Variants in ADGRA3 observed in about 807,000 individuals in gnomAD.
ADGRA3 encodes adhesion G protein-coupled receptor A3, also known as G-protein coupled receptor 125.
Under a neutral mutation model 119.8 loss-of-function variants are expected in ADGRA3, and 56 were observed. That is an observed-to-expected ratio of 0.47 (90% CI 0.38 to 0.58). The LOEUF (loss-of-function observed/expected upper bound fraction) is 0.58, where lower values mean the gene tolerates loss of function less well. Ranked by LOEUF, ADGRA3 falls within the 20% of genes least tolerant of loss-of-function variation. ADGRA3 has a pLI of 0.00. For missense variants in ADGRA3, 1,516 were observed against 1,649.0 expected (o/e 0.92, Z 1.40); for synonymous variants, 607 against 623.8 (o/e 0.97, Z 0.40).
chr4:22,395,276 A>G (rs150149842), intron 16 of ADGRA3, among the ~76,000 whole-genome samples: 148 of 152,310 alleles, frequency 9.7e-4, no homozygotes, highest in African/African-American at 3.3e-3. Context: ...AAACTCTCAC[A>G]TACTAGAGTT....
chr4:22,450,786 T>A (rs1303340908), intron 4 of ADGRA3, among the ~76,000 whole-genome samples: 4 of 152,030 alleles, frequency 2.6e-5, no homozygotes, highest in Non-Finnish European at 5.9e-5. Context: ...AACTAGAATA[T>A]TCTGTAGCCA....
chr4:22,469,996 A>C lies in ADGRA3; in HGVS notation c.329+3776T>G, dbSNP rs149153120. On this transcript the variant is annotated intron_variant, in intron 2 of 18. Transcript: ENST00000334304. ...ATCCTATGTTTCTCCCCATTACTGC[A>C]TATGTTCCATAAACCCCAAGCCTAG... Among the ~76,000 whole-genome samples, 17 of 152,274 alleles carry C rather than the reference A, an allele frequency of 1.1e-4. No homozygotes were observed. In the East Asian group the frequency reaches 3.3e-3, roughly 29 times the overall value.
intron 1 of ADGRA3, among the ~76,000 whole-genome samples, chr4:22,502,774 G>A (rs1719094367): frequency 6.6e-6 from 1 of 151,910 alleles, no homozygotes; most frequent in Admixed American, 6.6e-5. Flanking sequence ...GATGAAGAGT[G>A]GGAGTTTAAG....
At chr4:22,488,595 A>G (rs942341650) in intron 1 of ADGRA3, among the ~76,000 whole-genome samples, 3 of 148,260 alleles carry the variant, frequency 2.0e-5, no homozygotes, top group African/African-American at 4.9e-5. Context: ...AAGCATGGCT[A>G]CTTCGGGGAT....
intron 14 of ADGRA3, among the ~76,000 whole-genome samples, chr4:22,408,743 G>A (rs1458482055): frequency 6.6e-6 from 1 of 152,098 alleles, no homozygotes; most frequent in East Asian, 1.9e-4. Context: ...GCTACTTAAA[G>A]CTAAACACAT....
chr4:22,413,158 G>C (rs1284327403), intron 14 of ADGRA3, 24 bp downstream of exon 14: 1 of 1,515,806 alleles, frequency 6.6e-7, no homozygotes, highest in East Asian at 2.3e-5. Context: ...TAGTGTTTAT[G>C]CATAAAGTTA....
At chr4:22,482,042 C>A (rs1215958659) in intron 1 of ADGRA3, among the ~76,000 whole-genome samples, 1 of 152,156 alleles carries the variant, frequency 6.6e-6, no homozygotes, top group East Asian at 1.9e-4. Context: ...TCATCAATGT[C>A]TCTTCCTTTG....
chr4:22,476,830 C>A (rs984583562), intron 1 of ADGRA3, among the ~76,000 whole-genome samples: 4 of 151,848 alleles, frequency 2.6e-5, no homozygotes, highest in Non-Finnish European at 5.9e-5. Flanking sequence ...CCATACCCAG[C>A]TAATTTTTGT....
intron 17 of ADGRA3, among the ~76,000 whole-genome samples, chr4:22,390,339 AAAT>A (rs1714067382): frequency 1.1e-5 from 1 of 90,162 alleles, no homozygotes; most frequent in Non-Finnish European, 2.0e-5. Context: ...TATATATATA[AAAT>A]ACATATTATA....
At chr4:22,509,363 C>T (rs1719356757) in intron 1 of ADGRA3, among the ~76,000 whole-genome samples, 2 of 151,918 alleles carry the variant, frequency 1.3e-5, no homozygotes, top group African/African-American at 2.4e-5. Context: ...ATTAGCTGGG[C>T]GTGGTGGCGT....
chr4:22,464,521 A>T (rs1717583226), intron 2 of ADGRA3, among the ~76,000 whole-genome samples: 1 of 152,206 alleles, frequency 6.6e-6, no homozygotes, highest in Admixed American at 6.5e-5. Context: ...GAGGAATATT[A>T]TGCAGAGGAT....
At chr4:22,499,899 C>G (rs1196941850) in intron 1 of ADGRA3, among the ~76,000 whole-genome samples, 7 of 152,162 alleles carry the variant, frequency 4.6e-5, no homozygotes, top group African/African-American at 1.7e-4. Flanking sequence ...AGCCCTCATT[C>G]TAAATGTCTG....
rs527443316 is a variant in ADGRA3 at position 22,472,441 on chromosome 4, A to G, written c.329+1331T>C. Among the ~76,000 whole-genome samples, 110 of 152,318 alleles carry G rather than the reference A, an allele frequency of 7.2e-4. No individual in the cohort carries two copies. In the Middle Eastern group the frequency reaches 0.014, roughly 19 times the overall value. On this transcript the variant is annotated intron_variant, in intron 2 of 18. Transcript: ENST00000334304. ...AAAGCCAAGGGTGTGATCAGCATAC[A>G]CTAAAGCACATGGACGACATGGAAC...
chr4:22,482,231 A>C (rs938202044), intron 1 of ADGRA3, among the ~76,000 whole-genome samples: 3 of 152,218 alleles, frequency 2.0e-5, no homozygotes, highest in Non-Finnish European at 4.4e-5. Flanking sequence ...CTCACAACAA[A>C]GTAAAATACA....
At chr4:22,412,165 T>C (rs1715233603) in intron 14 of ADGRA3, among the ~76,000 whole-genome samples, 1 of 152,188 alleles carries the variant, frequency 6.6e-6, no homozygotes, top group South Asian at 2.1e-4. Flanking sequence ...TAGAAGTTCC[T>C]CACACCCAGA....
At position 22,413,615 on chromosome 4, in the gene ADGRA3, A is replaced by C; in HGVS notation, c.2009T>G (p.Ile670Ser). ...GKRRTVVTPV[I>S]LTKIDGVNVD... Reference sequence around the variant, plus strand: ...CACATACAAACCTATTTTGGTGAGAATCACAGGGGTAACCACAGTACGTCG... The same window carrying C: ...CACATACAAACCTATTTTGGTGAGACTCACAGGGGTAACCACAGTACGTCG... The change falls in exon 13 of 19, where the codon ATT becomes AGT. Residue 670 changes from isoleucine to serine, a missense_variant. By Grantham distance (142) the Ile-to-Ser change is moderately radical. This residue lies in a region of ADGRA3 where 1,088 missense variants were observed against 1,107.1 expected (regional missense o/e 0.98). Transcript: ENST00000334304. 1 of 1,613,896 alleles carries C rather than the reference A, an allele frequency of 6.2e-7. No individual in the cohort carries two copies. Among genetic ancestry groups the C allele is most frequent in the Non-Finnish European group, 8.5e-7 (1 of 1,179,804 alleles).
At chr4:22,503,059 ATGACAGCT>A (rs535651552) in intron 1 of ADGRA3, among the ~76,000 whole-genome samples, 31 of 152,252 alleles carry the variant, frequency 2.0e-4, no homozygotes, top group South Asian at 6.2e-4. Context: ...CCAAAACAGT[ATGACAGCT>A]GTCACAATGC....
intron 10 of ADGRA3, among the ~76,000 whole-genome samples, chr4:22,428,539 A>G (rs886548379): frequency 6.6e-6 from 1 of 152,190 alleles, no homozygotes; most frequent in African/African-American, 2.4e-5. Context: ...AGACACATGC[A>G]TAGGTGGAGC....
At chr4:22,489,727 T>C (rs774321470) in intron 1 of ADGRA3, among the ~76,000 whole-genome samples, 1 of 152,194 alleles carries the variant, frequency 6.6e-6, no homozygotes, top group Non-Finnish European at 1.5e-5. Context: ...TTCAATATCT[T>C]TCCTACAGAT....
Sources: allele counts gnomAD v4.1 joint callset (sites outside exome capture counted in the v4.1 genomes callset), GRCh38; gene constraint gnomAD v4.1.1; regional missense constraint gnomAD v4.1.1; transcripts MANE v1.5; gene names NCBI Gene and HGNC (gene_info 2026-07-23, HGNC 2026-07-21).